Variants in MTRES1 observed in about 807,000 individuals in gnomAD.
MTRES1 encodes the protein mitochondrial transcription rescue factor 1.
MTRES1 carries 11 observed loss-of-function variants against 17.4 expected under a neutral mutation model. That is an observed-to-expected ratio of 0.63 (90% CI 0.40 to 1.05). The LOEUF (loss-of-function observed/expected upper bound fraction) is 1.05, where lower values mean the gene tolerates loss of function less well. MTRES1 is among the 50% of genes least tolerant of loss of function. The pLI is 0.00. For synonymous variants in MTRES1, 94 were observed against 99.6 expected, an observed-to-expected ratio of 0.94 and a Z score of 0.34; for missense variants, 268 against 276.2, an observed-to-expected ratio of 0.97 and a Z score of 0.21.
intron 1 of MTRES1, among the ~76,000 whole-genome samples, chr6:107,038,874 T>G (rs1454315863): frequency 6.6e-6 from 1 of 152,040 alleles, no homozygotes; most frequent in Non-Finnish European, 1.5e-5. Flanking sequence ...GACCACCGTG[T>G]AGAAACCCCA....
At chr6:107,035,323 G>A (rs142471429) in intron 1 of MTRES1, among the ~76,000 whole-genome samples, 18 of 151,960 alleles carry the variant, frequency 1.2e-4, no homozygotes, top group African/African-American at 2.9e-4. Flanking sequence ...AGCAGAGACC[G>A]GGTTTCTCCA....
intron 3 of MTRES1, among the ~76,000 whole-genome samples, chr6:107,046,189 G>T (rs1554228351): frequency 6.6e-6 from 1 of 152,160 alleles, no homozygotes; most frequent in Non-Finnish European, 1.5e-5. Context: ...GCTTTTTCCT[G>T]CTGTAGCCTG....
chr6:107,046,305 C>G (rs1346442225), intron 3 of MTRES1, among the ~76,000 whole-genome samples: 1 of 152,090 alleles, frequency 6.6e-6, no homozygotes, highest in Non-Finnish European at 1.5e-5. Flanking sequence ...ATTTACAAAC[C>G]CCACTAGACT....
At chr6:107,044,206 TGAGTG>T in intron 2 of MTRES1, 49 bp from the exon 3 acceptor site, 14 of 1,275,494 alleles carry the variant, frequency 1.1e-5, no homozygotes, top group Non-Finnish European at 1.6e-5. Flanking sequence ...AGTCTGGGCT[TGAGTG>T]TACCCATCAC....
chr6:107,041,259 G>A (rs1275558305), intron 2 of MTRES1, among the ~76,000 whole-genome samples: 2 of 151,710 alleles, frequency 1.3e-5, no homozygotes, highest in Admixed American at 6.6e-5. Flanking sequence ...AGGCTTTGGA[G>A]TGAGATTACT....
chr6:107,051,001 C>A (rs1310235806), intron 3 of MTRES1, 56 bp from the exon 4 acceptor site: 9 of 1,422,844 alleles, frequency 6.3e-6, no homozygotes, highest in Non-Finnish European at 8.8e-6. Flanking sequence ...GTAATGTTTG[C>A]ATTGGCCTGG....
At chr6:107,031,409 A>AG (rs1251275107) in intron 1 of MTRES1, among the ~76,000 whole-genome samples, 1 of 147,028 alleles carries the variant, frequency 6.8e-6, no homozygotes, top group Non-Finnish European at 1.5e-5. Flanking sequence ...AGAAAAAAAA[A>AG]GAAAAAAGGA....
chr6:107,030,689 AAGC>A (rs1773806194), intron 1 of MTRES1, among the ~76,000 whole-genome samples: 1 of 152,168 alleles, frequency 6.6e-6, no homozygotes, highest in South Asian at 2.1e-4. Context: ...CCCAGAAAAA[AAGC>A]AGGTGTTTAG....
chr6:107,043,811 T>C (rs1774298135), intron 2 of MTRES1, among the ~76,000 whole-genome samples: 1 of 152,146 alleles, frequency 6.6e-6, no homozygotes, highest in South Asian at 2.1e-4. Context: ...ATTTCTATAT[T>C]TTAAAGCACT....
chr6:107,032,602 T>C (rs1203106884), intron 1 of MTRES1, among the ~76,000 whole-genome samples: 1 of 152,088 alleles, frequency 6.6e-6, no homozygotes, highest in Admixed American at 6.6e-5. Context: ...TCCCAGTTAC[T>C]GGGGAGGCTG....
At chr6:107,044,726 G>C (rs1554228196) in intron 3 of MTRES1, among the ~76,000 whole-genome samples, 1 of 152,186 alleles carries the variant, frequency 6.6e-6, no homozygotes, top group Non-Finnish European at 1.5e-5. Flanking sequence ...ATTCTATACA[G>C]CTCAGCAGTA....
At chr6:107,037,876 A>G (rs1245562668) in intron 1 of MTRES1, among the ~76,000 whole-genome samples, 3 of 151,516 alleles carry the variant, frequency 2.0e-5, no homozygotes, top group African/African-American at 7.3e-5. Context: ...ATGCCACCAC[A>G]CCCGGCTAAT....
intron 2 of MTRES1, 171 bp downstream of exon 2, chr6:107,040,401 A>G: frequency 2.0e-6 from 1 of 503,916 alleles, no homozygotes; most frequent in East Asian, 3.8e-5. Context: ...TGATTTCCAA[A>G]GAAGTCAAGT....
intron 1 of MTRES1, among the ~76,000 whole-genome samples, chr6:107,031,598 G>A (rs1282590490): frequency 1.4e-5 from 2 of 143,812 alleles, no homozygotes; most frequent in Admixed American, 7.2e-5. Flanking sequence ...GCCTGCCATC[G>A]TGCCCAGCTA....
chr6:107,048,141 A>G (rs1038860619), intron 3 of MTRES1, among the ~76,000 whole-genome samples: 3 of 151,762 alleles, frequency 2.0e-5, no homozygotes, highest in Admixed American at 1.3e-4. Context: ...CAAGCCTTGT[A>G]TTTCTTTTTT....
rs782743660 is a variant in MTRES1, at chr6:107,029,177, C to T, written c.-13+906C>T. Reference sequence around the variant, plus strand: ...AGCAGCTGGGACTACAGGCGCACACCGCCACACCCGGCTATTTTTTTTTTT... The same window carrying T: ...AGCAGCTGGGACTACAGGCGCACACTGCCACACCCGGCTATTTTTTTTTTT... On this transcript the variant is annotated intron_variant, in intron 1 of 3. Coordinates refer to ENST00000311381, the MANE Select transcript of MTRES1 (RefSeq NM_016487.5). 3.1e-4 allele frequency among the ~76,000 whole-genome samples: 46 copies of T among 146,302 alleles called. 1 individual carries two copies. In the Middle Eastern group the frequency reaches 0.029, roughly 93 times the overall value.
intron 3 of MTRES1, among the ~76,000 whole-genome samples, chr6:107,049,394 T>TCTGTATGGC (rs1774509482): frequency 6.7e-6 from 1 of 149,710 alleles, no homozygotes; most frequent in Admixed American, 6.7e-5. Flanking sequence ...GGCTCCTGGG[T>TCTGTATGGC]CTGTATGGCC....
intron 1 of MTRES1, chr6:107,029,897 G>A: frequency 3.3e-6 from 2 of 600,732 alleles, no homozygotes; most frequent in Middle Eastern, 4.5e-4. Context: ...TGAGCCACCT[G>A]CCTGACCTCA....
intron 3 of MTRES1, among the ~76,000 whole-genome samples, chr6:107,048,463 A>G (rs577791031): frequency 2.6e-5 from 4 of 151,482 alleles, no homozygotes; most frequent in Admixed American, 6.6e-5. Flanking sequence ...AAATGTCCAC[A>G]TAGGCTGAAG....
Sources: gnomAD v4.1 joint callset for allele counts (sites outside exome capture counted in the v4.1 genomes callset) on GRCh38, gnomAD v4.1.1 for gene constraint, MANE v1.5 for transcripts, NCBI Gene and HGNC (gene_info 2026-07-23, HGNC 2026-07-21) for gene names.